The following EFS variants were observed in gnomAD, a reference collection of about 807,000 sequenced individuals.
EFS encodes Cas scaffolding protein family member 3.
EFS carries 34 observed loss-of-function variants against 42.2 expected under a neutral mutation model. The observed-to-expected ratio is 0.81, with a 90% CI of 0.61 to 1.07. The LOEUF is 1.07. EFS is among the 50% of genes least tolerant of loss of function. EFS has a pLI of 0.00. For missense variants in EFS, 717 were observed against 729.4 expected (o/e 0.98, Z 0.20); for synonymous variants, 299 against 320.7 (o/e 0.93, Z 0.72).
chr14:23,359,060 C>T (rs1890025568), intron 4 of EFS, 95 bp from the exon 5 acceptor site: 1 of 1,226,650 alleles, frequency 8.2e-7, no homozygotes. Context: ...CCCCTTCCTT[C>T]CGAAGGACAC....
Position 23,360,324 on chromosome 14 carries a change from C to G in EFS, c.298-43G>C, listed in dbSNP as rs541708224. The G allele has an allele frequency of 8.1e-5, 128 of 1,576,460 alleles. 1 individual carries two copies. The South Asian group carries it at 1.3e-3, about 16-fold the overall frequency. ...TGGGGGGTCAGGAGGAACGGAGGGG[C>G]CGGTGATCAGATAATGTCTGAGTGC... is the stretch of plus-strand genomic sequence containing the variant. On this transcript the variant is annotated intron_variant, in intron 2 of 5. Transcript: ENST00000216733.
In EFS at chr14:23,357,310, G is replaced by A. The variant is rs1889949395; in HGVS notation, c.1602C>T (p.Ala534=). 1.2e-6 allele frequency: 2 copies of A among 1,610,448 alleles called. No homozygotes were observed. The highest frequency in any genetic ancestry group is 8.5e-7 in the Non-Finnish European group (1 of 1,177,234). The change falls in exon 6 of 6, where the codon GCC becomes GCT. Residue 534 remains alanine (A), a synonymous_variant. Coordinates refer to ENST00000216733, the MANE Select transcript of EFS (RefSeq NM_005864.4). ...GAALGYPSSP[A]IQEMVQCVTE... is the part of the protein sequence containing the mutation. ...TTACACACTGCACCATCTCTTGGAT[G>A]GCAGGGCTGGATGGGTAGCCCAGGG...
Position 23,357,301 on chromosome 14 carries a change from C to A in EFS, c.1611G>T (p.Glu537Asp). Residue 537 changes from glutamate (E) to aspartate (D), a missense_variant, in exon 6 of 6, where the codon GAG (glutamate) becomes GAT (aspartate). Coordinates refer to ENST00000216733, the MANE Select transcript of EFS (RefSeq NM_005864.4). ...CCAGTTCTGTTACACACTGCACCAT[C>A]TCTTGGATGGCAGGGCTGGATGGGT... ...LGYPSSPAIQ[E>D]MVQCVTELAG... 6.2e-7 allele frequency: 1 copy of A among 1,609,674 alleles called. No individual in the cohort carries two copies. The highest frequency in any genetic ancestry group is 8.5e-7 in the Non-Finnish European group (1 of 1,176,684).
At position 23,365,156 on chromosome 14, in the gene EFS, G is replaced by C. The variant is rs983574298; in HGVS notation, c.-131C>G. On this transcript the variant is annotated 5_prime_UTR_variant, in exon 1 of 6. Coordinates refer to ENST00000216733, the MANE Select transcript of EFS (RefSeq NM_005864.4). This position sits in a 1 kb window ranked among gnomAD's most constrained non-coding sequence, Gnocchi z 5.3. ...CGCCTGAGTCGTGGCCTCCGCCAAG[G>C]TTGGAGGAGGAGAAAGAAAACCCAC... is the stretch of plus-strand genomic sequence containing the variant. 2 of 803,306 alleles carry C rather than the reference G, an allele frequency of 2.5e-6. No individual in the cohort carries two copies. The highest frequency in any genetic ancestry group is 3.4e-6 in the Non-Finnish European group (2 of 585,782). 49.8% of individuals were successfully genotyped at this position (803,306 alleles called of 1,614,324 possible). A position where few individuals can be genotyped will look rare whatever the true frequency, so the allele number is the denominator to read the frequency against.
rs1890082305 is a variant in EFS, at chr14:23,359,977, G to A, written c.501C>T (p.Ala167=). ...VPSSGPYDCP[A]SFSHPLTRVA... ...CCCGGGTCAGAGGGTGGGAAAAGGAGGCAGGGCAGTCATAGGGGCCACTGG... is the reference window on the plus strand; with the variant it reads ...CCCGGGTCAGAGGGTGGGAAAAGGAAGCAGGGCAGTCATAGGGGCCACTGG... The change falls in exon 4 of 6, where the codon GCC becomes GCT. Residue 167 remains alanine (A), a synonymous_variant. Transcript: ENST00000216733. The A allele has an allele frequency of 6.3e-7, 1 of 1,584,394 alleles. No individual in the cohort carries two copies. Among genetic ancestry groups the A allele is most frequent in the African/African-American group, 1.3e-5 (1 of 74,106 alleles).
chr14:23,361,543 C>G (rs1890154710), intron 1 of EFS, among the ~76,000 whole-genome samples: 1 of 152,154 alleles, frequency 6.6e-6, no homozygotes, highest in Non-Finnish European at 1.5e-5. Flanking sequence ...TGTGTGTCAC[C>G]ACTGCCTGGG....
chr14:23,360,004 G>A lies in EFS; in HGVS notation c.474C>T (p.Pro158=). The change falls in exon 4 of 6, where the codon CCC becomes CCT. Residue 158 remains proline (P), a synonymous_variant. Coordinates refer to ENST00000216733, the MANE Select transcript of EFS (RefSeq NM_005864.4). ...CAGGGCAGTCATAGGGGCCACTGGA[G>A]GGCACCCGGAGGGCGGTGGGGGGCA... ...YDVPPTALRV[P]SSGPYDCPAS... is the part of the protein sequence containing the mutation. The A allele has an allele frequency of 1.2e-6, 2 of 1,603,952 alleles. No individual in the cohort carries two copies. The highest frequency in any genetic ancestry group is 2.2e-5 in the South Asian group (2 of 89,582).
In EFS at chr14:23,357,256, G is replaced by A; in HGVS notation, c.1656C>T (p.Phe552=). The change falls in exon 6 of 6, where the codon TTC becomes TTT. Residue 552 remains phenylalanine (F), a synonymous_variant. Transcript: ENST00000216733. ...VTELAGQALQ[F]TTLLTSLAP ...GAGCCAGGCTAGTGAGCAGGGTAGT[G>A]AATTGCAGGGCCTGCCCTGCCAGTT... The A allele has an allele frequency of 6.4e-7, 1 of 1,573,502 alleles. No individual in the cohort carries two copies. Among genetic ancestry groups the A allele is most frequent in the Non-Finnish European group, 8.7e-7 (1 of 1,152,756 alleles).
intron 1 of EFS, among the ~76,000 whole-genome samples, 197 bp from the exon 2 acceptor site, chr14:23,361,030 A>T (rs934927079): frequency 5.3e-5 from 8 of 151,910 alleles, no homozygotes; most frequent in African/African-American, 9.7e-5. Flanking sequence ...AGTTCCTTCA[A>T]CTAGACCAGC....
chr14:23,359,348 A>G lies in EFS; in HGVS notation c.1130T>C (p.Met377Thr), dbSNP rs755848463. 13 of 1,612,902 alleles carry G rather than the reference A, an allele frequency of 8.1e-6. No homozygotes were observed. The highest frequency in any genetic ancestry group is 3.3e-4 in the Middle Eastern group (2 of 5,996). The change falls in exon 4 of 6, where the codon ATG (methionine) becomes ACG (threonine). Residue 377 changes from methionine (M) to threonine (T), a missense_variant. Physicochemically the swap from Met to Thr is moderately conservative, Grantham distance 81. Transcript: ENST00000216733. ...GTGGACATAGTCATACTCCTCGGCC[A>G]TCGGAATGCCCTCGTACTCATTGTG... ...GHHNEYEGIP[M>T]AEEYDYVHLK...
intron 5 of EFS, among the ~76,000 whole-genome samples, 168 bp downstream of exon 5, chr14:23,358,708 G>A (rs140369842): frequency 2.6e-5 from 4 of 152,278 alleles, no homozygotes; most frequent in Non-Finnish European, 4.4e-5. Flanking sequence ...CCAAGGTCCA[G>A]TTCCTTCCTG....
intron 1 of EFS, among the ~76,000 whole-genome samples, chr14:23,363,608 A>C (rs1478941415): frequency 3.9e-5 from 6 of 152,120 alleles, no homozygotes; most frequent in Admixed American, 3.3e-4. Flanking sequence ...ACTCTGAGCT[A>C]GGGTTTCCTG....
At chr14:23,361,969 G>A (rs1454755217) in intron 1 of EFS, among the ~76,000 whole-genome samples, 5 of 152,198 alleles carry the variant, frequency 3.3e-5, no homozygotes, top group South Asian at 2.1e-4. Context: ...CAGAGCCTGC[G>A]CTCTCAATCA....
chr14:23,358,699 C>T (rs940304031), intron 5 of EFS, among the ~76,000 whole-genome samples, 177 bp downstream of exon 5: 1 of 152,244 alleles, frequency 6.6e-6, no homozygotes, highest in African/African-American at 2.4e-5. Flanking sequence ...CATCCTCTTC[C>T]AAGGTCCAGT....
In EFS at chr14:23,364,085, G is replaced by A. The variant is rs899099433; in HGVS notation, c.18+923C>T. ...GAGAAGGGAACAGAAAGCAGGTGACGGCCTCGCTTCCCTGGGAATCTTAGG... is the reference window on the plus strand; with the variant it reads ...GAGAAGGGAACAGAAAGCAGGTGACAGCCTCGCTTCCCTGGGAATCTTAGG... On this transcript the variant is annotated intron_variant, in intron 1 of 5. Transcript: ENST00000216733. Among the ~76,000 whole-genome samples the A allele has an allele frequency of 4.6e-5, 7 of 152,240 alleles. No homozygotes were observed. The South Asian group carries it at 1.0e-3, about 23-fold the overall frequency.
At chr14:23,364,445 C>T (rs1890253483) in intron 1 of EFS, among the ~76,000 whole-genome samples, 1 of 152,178 alleles carries the variant, frequency 6.6e-6, no homozygotes, top group Non-Finnish European at 1.5e-5. Flanking sequence ...CTCCCTTTGT[C>T]CCGATCCCTG....
intron 1 of EFS, among the ~76,000 whole-genome samples, chr14:23,364,749 C>A (rs1409715051): frequency 6.6e-6 from 1 of 152,042 alleles, no homozygotes; most frequent in Non-Finnish European, 1.5e-5. Context: ...CCCTTCCCCT[C>A]CATTCAGGCG....
chr14:23,361,681 G>A (rs966706731), intron 1 of EFS, among the ~76,000 whole-genome samples: 13 of 152,220 alleles, frequency 8.5e-5, no homozygotes, highest in African/African-American at 3.1e-4. Flanking sequence ...TCTGTTTCCA[G>A]TCCTGTCTGG....
At chr14:23,360,410 G>A in intron 2 of EFS, 129 bp from the exon 3 acceptor site, 6 of 1,493,430 alleles carry the variant, frequency 4.0e-6, no homozygotes, top group South Asian at 1.3e-5. Flanking sequence ...CAGAAAGGTT[G>A]GTAGACAGGT....
Sources: gnomAD v4.1 joint callset for allele counts (sites outside exome capture counted in the v4.1 genomes callset) on GRCh38, gnomAD v4.1.1 for gene constraint, Gnocchi (gnomAD v3.1) non-coding constraint, MANE v1.5 for transcripts, NCBI Gene and HGNC (gene_info 2026-07-23, HGNC 2026-07-21) for gene names.